Variants in SAV1 observed in about 807,000 individuals in gnomAD.
The protein encoded by SAV1 is protein salvador homolog 1.
Under a neutral mutation model 47.3 loss-of-function variants are expected in SAV1, and 23 were observed. That is an observed-to-expected ratio of 0.49 (90% CI 0.35 to 0.69). The LOEUF is 0.69. Ranked by LOEUF, SAV1 falls within the 30% of genes least tolerant of loss-of-function variation. The pLI, the probability that SAV1 is intolerant of heterozygous loss-of-function variation, is 0.01. For missense variants in SAV1, 448 were observed against 457.4 expected (o/e 0.98, Z 0.19); for synonymous variants, 155 against 159.2 (o/e 0.97, Z 0.20).
At position 50,640,749 on chromosome 14, in the gene SAV1, C is replaced by T; in HGVS notation, c.950+1G>A. 1 of 1,611,852 alleles carries T rather than the reference C, an allele frequency of 6.2e-7. No individual in the cohort carries two copies. The highest frequency in any genetic ancestry group is 8.5e-7 in the Non-Finnish European group (1 of 1,178,710). On this transcript the variant is annotated splice_donor_variant, in intron 4 of 4. Transcript: ENST00000324679. LOFTEE classifies it high-confidence loss of function. ...CAAATTTGTGTTGTAAATGTACTTA[C>T]TTCACAGGGGCTCGTGCGTAAACCT... is the stretch of plus-strand genomic sequence containing the variant.
In SAV1 at chr14:50,635,998, C is replaced by T. The variant is rs544318204; in HGVS notation, c.951-614G>A. Among the ~76,000 whole-genome samples, 15 of 152,230 alleles carry T rather than the reference C, an allele frequency of 9.9e-5. No individual in the cohort carries two copies. The South Asian group carries it at 1.5e-3, about 15-fold the overall frequency. ...CTGGGATTAACTTTGGGAGCCACCG[C>T]GCCCGGCCTACATATAATTCTTCTA... On this transcript the variant is annotated intron_variant, in intron 4 of 4. Transcript: ENST00000324679.
At chr14:50,665,950 T>C (rs2039898538) in intron 1 of SAV1, among the ~76,000 whole-genome samples, 1 of 152,232 alleles carries the variant, frequency 6.6e-6, no homozygotes, top group Non-Finnish European at 1.5e-5. Flanking sequence ...TGCTCATGAA[T>C]TAATGTATAA....
intron 2 of SAV1, among the ~76,000 whole-genome samples, chr14:50,645,901 T>C (rs1262360635): frequency 6.6e-6 from 1 of 152,154 alleles, no homozygotes; most frequent in Non-Finnish European, 1.5e-5. Flanking sequence ...CAAAAGTTAT[T>C]GAGATAATAT....
At chr14:50,644,175 G>T (rs2039702160) in intron 3 of SAV1, among the ~76,000 whole-genome samples, 1 of 151,860 alleles carries the variant, frequency 6.6e-6, no homozygotes, top group South Asian at 2.1e-4. Context: ...AGGCAGCACA[G>T]GGCTAAAAGT....
rs2140244923 is a variant in SAV1 at position 50,634,236 on chromosome 14, A to AAGTATTCC, written c.*939_*946dup. ...TTCACGCACCTTCCCAATACAGGCT[A>AAGTATTCC]AGTATTCCTGCTTATATGTATTCCT... On this transcript the variant is annotated 3_prime_UTR_variant, in exon 5 of 5. Coordinates refer to ENST00000324679, the MANE Select transcript of SAV1 (RefSeq NM_021818.4). The AAGTATTCC allele has an allele frequency of 2.2e-6, 1 of 451,082 alleles. No homozygotes were observed. Among genetic ancestry groups the AAGTATTCC allele is most frequent in the East Asian group, 7.0e-5 (1 of 14,348 alleles). 27.9% of individuals were successfully genotyped at this position (451,082 alleles called of 1,614,324 possible). A position where few individuals can be genotyped will look rare whatever the true frequency, so the allele number is the denominator to read the frequency against.
intron 2 of SAV1, among the ~76,000 whole-genome samples, chr14:50,659,408 G>C (rs1481943707): frequency 6.6e-6 from 1 of 152,136 alleles, no homozygotes; most frequent in East Asian, 1.9e-4. Flanking sequence ...CCCGAATTTT[G>C]ATAAAATATT....
chr14:50,661,849 T>G (rs1243847896), intron 2 of SAV1, among the ~76,000 whole-genome samples: 5 of 152,222 alleles, frequency 3.3e-5, no homozygotes, highest in African/African-American at 1.2e-4. Flanking sequence ...TATTTGTGGT[T>G]ACTATAACCT....
At chr14:50,648,536 T>C (rs1349165220) in intron 2 of SAV1, among the ~76,000 whole-genome samples, 1 of 152,232 alleles carries the variant, frequency 6.6e-6, no homozygotes, top group East Asian at 1.9e-4. Context: ...TCCCAGCACT[T>C]TGGGAGGCCG....
chr14:50,667,820 C>G (rs2039916151), intron 1 of SAV1, 54 bp downstream of exon 1: 2 of 1,521,824 alleles, frequency 1.3e-6, no homozygotes, highest in Non-Finnish European at 1.8e-6. Flanking sequence ...GCCAGGGTCC[C>G]CGGAGCACCT....
rs766275772 is a variant in SAV1, at chr14:50,665,566, T to C, written c.148A>G (p.Ile50Val). The C allele has an allele frequency of 3.7e-6, 6 of 1,613,618 alleles. No individual in the cohort carries two copies. Among genetic ancestry groups the C allele is most frequent in the Non-Finnish European group, 5.1e-6 (6 of 1,179,834 alleles). Residue 50 changes from isoleucine to valine, a missense_variant, in exon 2 of 5, where the codon ATC (isoleucine) becomes GTC (valine). Ile to Val is a conservative substitution (Grantham distance 29). Coordinates refer to ENST00000324679, the MANE Select transcript of SAV1 (RefSeq NM_021818.4). ...HGPTIPRRTD[I>V]CLPDSSPNAF... is the part of the protein sequence containing the mutation. ...TTAGGGCTTGAATCTGGAAGACAGA[T>C]ATCAGTTCGTCTTGGAATTGTTGGA...
At chr14:50,661,222 A>AT (rs2039857569) in intron 2 of SAV1, among the ~76,000 whole-genome samples, 1 of 152,130 alleles carries the variant, frequency 6.6e-6, no homozygotes, top group Admixed American at 6.5e-5. Flanking sequence ...GATGTTGCAC[A>AT]TTTTTTCACA....
intron 4 of SAV1, chr14:50,637,717 AGGCTGAAGTGCAG>A (rs2039647954): frequency 7.4e-6 from 1 of 134,876 alleles, no homozygotes; most frequent in Non-Finnish European, 1.5e-5. Flanking sequence ...TATGTCTCCC[AGGCTGAAGTGCAG>A]TGGCTAATCA....
chr14:50,666,980 G>C (rs2039906868), intron 1 of SAV1, among the ~76,000 whole-genome samples: 1 of 151,926 alleles, frequency 6.6e-6, no homozygotes, highest in African/African-American at 2.4e-5. Context: ...TACAATATGA[G>C]GTAATACTTA....
At chr14:50,645,273 TAAC>T (rs1017026380) in intron 2 of SAV1, among the ~76,000 whole-genome samples, 3 of 152,052 alleles carry the variant, frequency 2.0e-5, no homozygotes, top group African/African-American at 7.2e-5. Context: ...TACAAACACT[TAAC>T]AACAGGTTGA....
chr14:50,666,336 G>A (rs530450968), intron 1 of SAV1, among the ~76,000 whole-genome samples: 1 of 152,264 alleles, frequency 6.6e-6, no homozygotes, highest in East Asian at 1.9e-4. Flanking sequence ...ACAGCTTTTA[G>A]GATACAGTAC....
At chr14:50,639,924 G>A (rs965654245) in intron 4 of SAV1, among the ~76,000 whole-genome samples, 4 of 152,088 alleles carry the variant, frequency 2.6e-5, no homozygotes, top group African/African-American at 4.8e-5. Context: ...TGGTATCAAG[G>A]GACAAAGAAA....
chr14:50,648,548 G>C (rs369406071), intron 2 of SAV1, among the ~76,000 whole-genome samples: 1 of 152,184 alleles, frequency 6.6e-6, no homozygotes. Context: ...GGGAGGCCGA[G>C]GCGGGCAGAT....
intron 1 of SAV1, among the ~76,000 whole-genome samples, chr14:50,666,233 C>G (rs2039900531): frequency 6.6e-6 from 1 of 152,106 alleles, no homozygotes; most frequent in Admixed American, 6.6e-5. Context: ...ATAAAAAGCT[C>G]TCATTTCAAA....
At chr14:50,637,511 A>T (rs1232941214) in intron 4 of SAV1, among the ~76,000 whole-genome samples, 1 of 152,196 alleles carries the variant, frequency 6.6e-6, no homozygotes, top group Non-Finnish European at 1.5e-5. Context: ...ACAATGTTAA[A>T]CTAATCTATC....
Sources: gnomAD v4.1 joint callset for allele counts (sites outside exome capture counted in the v4.1 genomes callset) on GRCh38, gnomAD v4.1.1 for gene constraint, MANE v1.5 for transcripts, NCBI Gene and HGNC (gene_info 2026-07-23, HGNC 2026-07-21) for gene names.